The following SLC38A12 variants were observed in gnomAD, a reference collection of about 807,000 sequenced individuals.
SLC38A12 encodes the protein solute carrier family 38 member 12, also known as putative sodium-coupled neutral amino acid transporter 12.
the SLC38A12 span, among the ~76,000 whole-genome samples, chr17:74,826,705 C>A: frequency 6.6e-6 from 1 of 152,196 alleles, no homozygotes; most frequent in Non-Finnish European, 1.5e-5. Flanking sequence ...CACACCACAG[C>A]CCAAGTGTAG....
the SLC38A12 span, among the ~76,000 whole-genome samples, chr17:74,784,034 G>C: frequency 8.5e-6 from 1 of 117,450 alleles, no homozygotes; most frequent in Non-Finnish European, 2.0e-5. Flanking sequence ...TCCTCTTCAT[G>C]CTTTAAAAAA....
At chr17:74,835,459 C>G in the SLC38A12 span, among the ~76,000 whole-genome samples, 1 of 152,146 alleles carries the variant, frequency 6.6e-6, no homozygotes, top group Non-Finnish European at 1.5e-5. Flanking sequence ...TCTTCGTCTA[C>G]CCCCCAGCAC....
the SLC38A12 span, among the ~76,000 whole-genome samples, chr17:74,789,359 A>T: frequency 6.6e-6 from 1 of 151,882 alleles, no homozygotes; most frequent in Admixed American, 6.6e-5. Flanking sequence ...GTGAAACCTC[A>T]TCTCTACTAA....
At chr17:74,829,096 G>A in the SLC38A12 span, among the ~76,000 whole-genome samples, 1 of 152,250 alleles carries the variant, frequency 6.6e-6, no homozygotes, top group East Asian at 1.9e-4. This position sits in a 1 kb window ranked among gnomAD's most constrained non-coding sequence, Gnocchi z 4.1. Flanking sequence ...TGACAAGTGG[G>A]ATACTTTACG....
At chr17:74,789,004 C>T in the SLC38A12 span, 1 of 710,930 alleles carries the variant, frequency 1.4e-6, no homozygotes, top group Non-Finnish European at 2.2e-6. Flanking sequence ...GACCCCAGTC[C>T]CAGAGCTGAA....
the SLC38A12 span, among the ~76,000 whole-genome samples, chr17:74,782,495 C>G: frequency 6.6e-6 from 1 of 152,190 alleles, no homozygotes; most frequent in African/African-American, 2.4e-5. Context: ...GTAGAAGGCT[C>G]TTGTTGGTTT....
At chr17:74,836,477 C>G in the SLC38A12 span, 1 of 1,610,262 alleles carries the variant, frequency 6.2e-7, no homozygotes, top group Non-Finnish European at 8.5e-7. The surrounding 1 kb of genome is among the most constrained non-coding windows in gnomAD (Gnocchi z 4.2). Context: ...TCACAGGGGC[C>G]TACGCGGGCA....
chr17:74,831,349 C>T, the SLC38A12 span, among the ~76,000 whole-genome samples: 1 of 152,232 alleles, frequency 6.6e-6, no homozygotes, highest in Admixed American at 6.5e-5. Context: ...GTGCCCAGCA[C>T]CCAGGGGAAA....
the SLC38A12 span, among the ~76,000 whole-genome samples, chr17:74,793,173 C>T: frequency 0.058 from 8,815 of 152,180 alleles, 327 homozygotes; most frequent in African/African-American, 0.11. Context: ...TCTCCTCTAC[C>T]CTGGAGTTTC....
chr17:74,833,398 G>T, the SLC38A12 span, among the ~76,000 whole-genome samples: 120 of 152,324 alleles, frequency 7.9e-4, no homozygotes, highest in African/African-American at 2.8e-3. Flanking sequence ...CAAGACAGCT[G>T]CTCTGGAGGA....
chr17:74,813,796 T>C, the SLC38A12 span, among the ~76,000 whole-genome samples: 3 of 151,756 alleles, frequency 2.0e-5, no homozygotes, highest in Admixed American at 2.0e-4. Context: ...CCACCATGCC[T>C]GGCCTCCTGT....
chr17:74,837,469 A>G, the SLC38A12 span: 382 of 985,514 alleles, frequency 3.9e-4, no homozygotes, highest in Admixed American at 4.9e-4. Flanking sequence ...TGGAGCCCTC[A>G]GGGCCTCCTA....
chr17:74,833,585 A>G, the SLC38A12 span, among the ~76,000 whole-genome samples: 1 of 152,246 alleles, frequency 6.6e-6, no homozygotes, highest in African/African-American at 2.4e-5. Flanking sequence ...TTAGAGGAGC[A>G]GAGAAGCACG....
At chr17:74,777,058 C>T in the SLC38A12 span, among the ~76,000 whole-genome samples, 2 of 152,224 alleles carry the variant, frequency 1.3e-5, no homozygotes, top group Non-Finnish European at 2.9e-5. Context: ...GAGCAGTGCC[C>T]TGCACAGCAA....
chr17:74,837,587 C>T, the SLC38A12 span: 1 of 985,496 alleles, frequency 1.0e-6, no homozygotes, highest in Non-Finnish European at 1.2e-6. Context: ...TGACAATGGT[C>T]AGGCTGCCCG....
At chr17:74,837,719 G>A in the SLC38A12 span, 3 of 985,822 alleles carry the variant, frequency 3.0e-6, no homozygotes, top group South Asian at 4.7e-5. Flanking sequence ...TCCCATGGAA[G>A]GAGGCCAGGT....
At chr17:74,818,528 G>T in the SLC38A12 span, among the ~76,000 whole-genome samples, 68 of 145,578 alleles carry the variant, frequency 4.7e-4, no homozygotes, top group African/African-American at 1.6e-3. Flanking sequence ...TGGGGGGCGG[G>T]GGGCGGGACA....
the SLC38A12 span, among the ~76,000 whole-genome samples, chr17:74,821,276 C>T: frequency 2.3e-4 from 35 of 152,340 alleles, no homozygotes; most frequent in African/African-American, 8.2e-4. Context: ...GGGCCTAGCC[C>T]GTCCTTGGGC....
chr17:74,822,140 G>A, the SLC38A12 span, among the ~76,000 whole-genome samples: 1 of 152,202 alleles, frequency 6.6e-6, no homozygotes, highest in Non-Finnish European at 1.5e-5. Flanking sequence ...GGCAAATAAA[G>A]AGCGATTGTC....
Sources: gnomAD v4.1 joint callset for allele counts (sites outside exome capture counted in the v4.1 genomes callset) on GRCh38, gnomAD v4.1.1 for gene constraint, Gnocchi (gnomAD v3.1) non-coding constraint, MANE v1.5 for transcripts, NCBI Gene and HGNC (gene_info 2026-07-23, HGNC 2026-07-21) for gene names.